The following SIL1 variants were observed in gnomAD, a reference collection of about 807,000 sequenced individuals.
The protein encoded by SIL1 is SIL1 nucleotide exchange factor, also known as nucleotide exchange factor SIL1.
Under a neutral mutation model 49.1 loss-of-function variants are expected in SIL1, and 40 were observed. That is an observed-to-expected ratio of 0.81 (90% confidence interval 0.63 to 1.06). The LOEUF is 1.06. Among genes scored for constraint, SIL1 ranks in the 50% least tolerant of loss-of-function variants. The pLI, the probability that SIL1 is intolerant of heterozygous loss-of-function variation, is 0.00. For missense variants in SIL1, 500 were observed against 572.6 expected, an observed-to-expected ratio of 0.87 and a Z score of 1.29; for synonymous variants, 253 against 250.8, an observed-to-expected ratio of 1.01 and a Z score of -0.08.
At chr5:139,142,204 T>C (rs932407409) in intron 1 of SIL1, among the ~76,000 whole-genome samples, 5 of 152,140 alleles carry the variant, frequency 3.3e-5, no homozygotes, top group African/African-American at 1.2e-4. Flanking sequence ...GCCAGCAAGG[T>C]GCCTGTTAAG....
chr5:139,122,163 T>G (rs1750654407), intron 2 of SIL1, among the ~76,000 whole-genome samples: 1 of 152,130 alleles, frequency 6.6e-6, no homozygotes, highest in South Asian at 2.1e-4. Context: ...AAAAGTATAT[T>G]TCTTGGAATC....
intron 3 of SIL1, among the ~76,000 whole-genome samples, chr5:139,077,299 C>T (rs1561853208): frequency 6.6e-6 from 1 of 152,198 alleles, no homozygotes; most frequent in Non-Finnish European, 1.5e-5. Flanking sequence ...GAACAAAATA[C>T]AATTCCTTTT....
chr5:139,036,293 T>G (rs1768909292), intron 5 of SIL1, among the ~76,000 whole-genome samples: 1 of 150,510 alleles, frequency 6.6e-6, no homozygotes, highest in Admixed American at 6.6e-5. Context: ...TTAGGTTAAG[T>G]CTTTAATCCA....
At chr5:139,170,949 T>TG (rs1297350867) in intron 1 of SIL1, among the ~76,000 whole-genome samples, 2 of 128,308 alleles carry the variant, frequency 1.6e-5, no homozygotes, top group Non-Finnish European at 3.3e-5. Flanking sequence ...GGGAGGGAGG[T>TG]GGGGGGGTCA....
chr5:139,149,044 C>T lies in SIL1; in HGVS notation c.-10-21191G>A, dbSNP rs77802088. Among the ~76,000 whole-genome samples, 912 of 152,152 alleles carry T rather than the reference C, an allele frequency of 6.0e-3. 7 individuals carry two copies. The highest frequency in any genetic ancestry group is 7.6e-3 in the Non-Finnish European group (520 of 68,006). On this transcript the variant is annotated intron_variant, in intron 1 of 9. Transcript: ENST00000394817. The stretch of plus-strand genomic sequence containing the variant: ...TCTCACCCTGAAATGCAACCACTCC[C>T]GTTAACAACTAGGCACAAACCCTGG...
intron 1 of SIL1, among the ~76,000 whole-genome samples, chr5:139,161,101 G>T (rs1751504154): frequency 6.6e-6 from 1 of 151,976 alleles, no homozygotes; most frequent in Non-Finnish European, 1.5e-5. Context: ...AAATTAGCTG[G>T]GCATGGTGGC....
intron 7 of SIL1, among the ~76,000 whole-genome samples, chr5:138,957,400 C>T (rs1402873719): frequency 1.3e-5 from 2 of 148,472 alleles, no homozygotes; most frequent in African/African-American, 5.1e-5. Flanking sequence ...GTAAAATCCC[C>T]GTCTCTGCAA....
chr5:138,975,882 A>G (rs1304993566), intron 7 of SIL1, among the ~76,000 whole-genome samples: 3 of 152,226 alleles, frequency 2.0e-5, no homozygotes, highest in African/African-American at 7.2e-5. Context: ...ACATTTCCAA[A>G]TTCCTGACCC....
intron 3 of SIL1, among the ~76,000 whole-genome samples, chr5:139,068,686 A>C (rs975517152): frequency 2.0e-5 from 3 of 150,910 alleles, no homozygotes; most frequent in Non-Finnish European, 3.0e-5. Flanking sequence ...AAGAGAAAGC[A>C]CTATGGATTT....
intron 3 of SIL1, among the ~76,000 whole-genome samples, chr5:139,068,892 T>C (rs2150471276): frequency 6.6e-6 from 1 of 152,250 alleles, no homozygotes; most frequent in Non-Finnish European, 1.5e-5. Flanking sequence ...ATATAAAAAC[T>C]GTAACTTCCT....
At chr5:139,048,546 TTA>T (rs1483550490) in intron 4 of SIL1, among the ~76,000 whole-genome samples, 2 of 152,086 alleles carry the variant, frequency 1.3e-5, no homozygotes, top group African/African-American at 2.4e-5. Context: ...CAGCTAATTT[TTA>T]TATGTTTTGC....
intron 3 of SIL1, among the ~76,000 whole-genome samples, chr5:139,095,247 A>T (rs1770430104): frequency 6.6e-6 from 1 of 150,402 alleles, no homozygotes; most frequent in Non-Finnish European, 1.5e-5. Context: ...GTATCTATAT[A>T]TATATATTAT....
intron 3 of SIL1, 123 bp downstream of exon 3, chr5:139,120,912 C>T: frequency 8.1e-7 from 1 of 1,234,882 alleles, no homozygotes; most frequent in Admixed American, 1.9e-5. Flanking sequence ...CTCTGACGGA[C>T]CATGCTGTTT....
intron 3 of SIL1, among the ~76,000 whole-genome samples, chr5:139,075,968 C>A (rs1019587672): frequency 6.6e-6 from 1 of 152,140 alleles, no homozygotes; most frequent in South Asian, 2.1e-4. Flanking sequence ...CCAAGCAGGC[C>A]CATCCATGCT....
intron 7 of SIL1, among the ~76,000 whole-genome samples, chr5:138,977,117 C>G (rs1011866403): frequency 6.6e-6 from 1 of 152,206 alleles, no homozygotes; most frequent in Non-Finnish European, 1.5e-5. Context: ...CTACTCGTCT[C>G]AGGACCAGGT....
intron 3 of SIL1, among the ~76,000 whole-genome samples, chr5:139,067,936 A>C (rs909086320): frequency 2.6e-5 from 4 of 152,378 alleles, no homozygotes; most frequent in Admixed American, 2.0e-4. Flanking sequence ...AACAATGAGA[A>C]GCAATACAAA....
At chr5:139,116,460 T>C (rs1770991398) in intron 3 of SIL1, among the ~76,000 whole-genome samples, 2 of 152,230 alleles carry the variant, frequency 1.3e-5, no homozygotes, top group Admixed American at 1.3e-4. Context: ...GCCCCAGGTC[T>C]GCTCCTGGCT....
intron 1 of SIL1, among the ~76,000 whole-genome samples, chr5:139,155,727 G>GT (rs60056126): frequency 0.039 from 6,013 of 152,248 alleles, 392 homozygotes; most frequent in African/African-American, 0.14. Flanking sequence ...AGAAGACTGG[G>GT]TAAGAGGGTG....
chr5:139,167,409 G>T (rs181054629), intron 1 of SIL1, among the ~76,000 whole-genome samples: 22 of 152,322 alleles, frequency 1.4e-4, no homozygotes, highest in Admixed American at 3.9e-4. Context: ...GAAGATAGAA[G>T]ACAGTGATGT....
Sources: gnomAD v4.1 joint callset for allele counts (sites outside exome capture counted in the v4.1 genomes callset) on GRCh38, gnomAD v4.1.1 for gene constraint, MANE v1.5 for transcripts, NCBI Gene and HGNC (gene_info 2026-07-23, HGNC 2026-07-21) for gene names.